Variants in SLC25A13 observed in about 807,000 individuals in gnomAD.
The protein encoded by SLC25A13 is solute carrier family 25 member 13, also known as electrogenic aspartate/glutamate antiporter SLC25A13, mitochondrial.
SLC25A13 carries 70 observed loss-of-function variants against 85.5 expected under a neutral mutation model. The observed-to-expected ratio is 0.82, with a 90% CI of 0.68 to 1.00. The LOEUF (loss-of-function observed/expected upper bound fraction) is 1.00, where lower values mean the gene tolerates loss of function less well. SLC25A13 is among the 50% of genes least tolerant of loss of function. The pLI is 0.00. For synonymous variants in SLC25A13, 259 were observed against 288.7 expected (o/e 0.90, Z 1.04); for missense variants, 765 against 819.8 (o/e 0.93, Z 0.82).
intron 3 of SLC25A13, 99 bp from the exon 4 acceptor site, chr7:96,235,016 A>G (rs1366862638): frequency 1.5e-5 from 12 of 789,812 alleles, no homozygotes; most frequent in Middle Eastern, 2.3e-4. Context: ...TATCACTGCC[A>G]AAACATAAAA....
rs11335226 is a variant in SLC25A13 at position 96,189,552 on chromosome 7, CAA to C, written c.848+27_848+28del. 0.092 allele frequency: 123,278 copies of C among 1,339,876 alleles called. No homozygotes were observed. Among genetic ancestry groups the C allele is most frequent in the South Asian group, 0.15 (11,489 of 75,208 alleles). 83.0% of individuals were successfully genotyped at this position (1,339,876 alleles called of 1,614,324 possible). On this transcript the variant is annotated intron_variant, in intron 8 of 17. Transcript: ENST00000265631. ...TAACCTCCTTTTATTAAGCTAATTC[CAA>C]AAAAAAAAAAAAAAAAGCCAACTTA...
chr7:96,276,896 C>G (rs889240631), intron 3 of SLC25A13, among the ~76,000 whole-genome samples: 1 of 152,038 alleles, frequency 6.6e-6, no homozygotes, highest in Non-Finnish European at 1.5e-5. Context: ...TGAAAAATAC[C>G]AAAGGCATAT....
chr7:96,241,098 GAAAGA>G (rs1562870957), intron 3 of SLC25A13, among the ~76,000 whole-genome samples: 25 of 136,338 alleles, frequency 1.8e-4, no homozygotes, highest in African/African-American at 2.9e-4. Context: ...AAGAAAGAAA[GAAAGA>G]AAGGCACTTT....
At chr7:96,300,503 T>G (rs1799511771) in intron 1 of SLC25A13, among the ~76,000 whole-genome samples, 1 of 152,216 alleles carries the variant, frequency 6.6e-6, no homozygotes, top group African/African-American at 2.4e-5. Context: ...TATCCAAAGA[T>G]GTTTATGTTC....
intron 14 of SLC25A13, among the ~76,000 whole-genome samples, chr7:96,146,047 A>C (rs1326446611): frequency 2.6e-5 from 4 of 152,236 alleles, no homozygotes; most frequent in Non-Finnish European, 5.9e-5. Context: ...TTGGTAGAGC[A>C]GTATGAATAA....
intron 3 of SLC25A13, among the ~76,000 whole-genome samples, chr7:96,243,408 T>C (rs1797065364): frequency 1.3e-5 from 2 of 152,208 alleles, no homozygotes; most frequent in African/African-American, 4.8e-5. Context: ...GGGTGGAGGA[T>C]GAGCACATGC....
intron 4 of SLC25A13, among the ~76,000 whole-genome samples, chr7:96,210,921 G>A (rs1014316894): frequency 9.9e-5 from 15 of 151,690 alleles, no homozygotes; most frequent in African/African-American, 1.9e-4. Flanking sequence ...AAGTTTTAAC[G>A]TAATAATCAT....
At chr7:96,266,550 A>AT (rs1162006629) in intron 3 of SLC25A13, among the ~76,000 whole-genome samples, 8 of 152,214 alleles carry the variant, frequency 5.3e-5, no homozygotes, top group Non-Finnish European at 1.0e-4. Context: ...CTATCTGTAC[A>AT]TATGAATGAG....
chr7:96,293,466 A>G (rs968845086), intron 2 of SLC25A13, among the ~76,000 whole-genome samples: 5 of 152,202 alleles, frequency 3.3e-5, no homozygotes, highest in African/African-American at 1.2e-4. Context: ...GCACAGCAAA[A>G]GAAACAACCA....
At chr7:96,268,953 A>C (rs779539791) in intron 3 of SLC25A13, among the ~76,000 whole-genome samples, 2 of 152,154 alleles carry the variant, frequency 1.3e-5, no homozygotes, top group Non-Finnish European at 2.9e-5. Context: ...AAGTCTTCCC[A>C]ATTTCCCAGT....
rs1226619904 is a variant in SLC25A13, at chr7:96,121,945, T to C, written c.1644A>G (p.Leu548=). The change falls in exon 16 of 18, where the codon TTA becomes TTG. Residue 548 remains leucine (L), a synonymous_variant. Coordinates refer to ENST00000265631, the MANE Select transcript of SLC25A13 (RefSeq NM_014251.3). ...TTTGGCCAGCCCGGGCAGCCACCTG[T>C]AATCTCGTCTTGATAACATCAGCAG... The part of the protein sequence containing the change: ...VTPADVIKTR[L]QVAARAGQTT... 3.1e-6 allele frequency: 5 copies of C among 1,614,182 alleles called. No homozygotes were observed. The highest frequency in any genetic ancestry group is 1.7e-5 in the Admixed American group (1 of 60,020).
chr7:96,258,388 T>C (rs997863460), intron 3 of SLC25A13, among the ~76,000 whole-genome samples: 1 of 152,118 alleles, frequency 6.6e-6, no homozygotes, highest in African/African-American at 2.4e-5. Context: ...TACAAAATTC[T>C]TGTGCAAAAA....
chr7:96,166,347 T>C (rs1793740725), intron 13 of SLC25A13, among the ~76,000 whole-genome samples: 1 of 152,230 alleles, frequency 6.6e-6, no homozygotes, highest in Non-Finnish European at 1.5e-5. Flanking sequence ...TTACTTTCTC[T>C]TGTTATATAA....
At chr7:96,143,560 A>T (rs777704150) in intron 14 of SLC25A13, among the ~76,000 whole-genome samples, 4 of 152,164 alleles carry the variant, frequency 2.6e-5, no homozygotes, top group Admixed American at 1.3e-4. Context: ...ATCTCTCTAA[A>T]TGTTAGCATT....
At chr7:96,278,438 T>C (rs181975740) in intron 2 of SLC25A13, among the ~76,000 whole-genome samples, 17 of 152,350 alleles carry the variant, frequency 1.1e-4, no homozygotes, top group Admixed American at 2.0e-4. Context: ...TTAATTCCAA[T>C]GCAGACTAAG....
At chr7:96,303,356 G>T (rs1052466596) in intron 1 of SLC25A13, among the ~76,000 whole-genome samples, 6 of 151,986 alleles carry the variant, frequency 3.9e-5, no homozygotes, top group African/African-American at 1.2e-4. Flanking sequence ...TGTGTGTGTG[G>T]GTGGGTGGGT....
intron 15 of SLC25A13, among the ~76,000 whole-genome samples, chr7:96,130,512 T>G (rs1056442804): frequency 6.6e-6 from 1 of 152,206 alleles, no homozygotes; most frequent in Non-Finnish European, 1.5e-5. Context: ...GTGAAGTAAC[T>G]TGCCCAAGGT....
intron 4 of SLC25A13, among the ~76,000 whole-genome samples, chr7:96,216,272 A>G (rs1314786683): frequency 6.6e-6 from 1 of 152,208 alleles, no homozygotes; most frequent in Admixed American, 6.5e-5. Flanking sequence ...GGTTGCAGAG[A>G]AAAAGGAACA....
intron 13 of SLC25A13, among the ~76,000 whole-genome samples, chr7:96,149,032 T>C (rs114835379): frequency 0.013 from 1,955 of 152,350 alleles, 37 homozygotes; most frequent in African/African-American, 0.044. Context: ...TTTTAAAATA[T>C]AGTGACCTCT....
Sources: gnomAD v4.1 joint callset for allele counts (sites outside exome capture counted in the v4.1 genomes callset) on GRCh38, gnomAD v4.1.1 for gene constraint, MANE v1.5 for transcripts, NCBI Gene and HGNC (gene_info 2026-07-23, HGNC 2026-07-21) for gene names.